GALNT2: variants seen among roughly 807,000 people sequenced by gnomAD.
GALNT2 encodes the protein UDP-GalNAc:polypeptide N-acetylgalactosaminyltransferase 2.
GALNT2 carries 31 observed loss-of-function variants against 81.4 expected under a neutral mutation model. The observed-to-expected ratio is 0.38, with a 90% confidence interval of 0.29 to 0.51. The LOEUF is 0.51. Among genes scored for constraint, GALNT2 ranks in the 20% least tolerant of loss-of-function variants. The pLI, the probability that GALNT2 is intolerant of heterozygous loss-of-function variation, is 0.87. For missense variants in GALNT2, 629 were observed against 765.7 expected, an observed-to-expected ratio of 0.82 and a Z score of 2.11; for synonymous variants, 303 against 287.4, an observed-to-expected ratio of 1.05 and a Z score of -0.55.
intron 1 of GALNT2, among the ~76,000 whole-genome samples, chr1:230,074,184 C>T (rs998768626): frequency 2.6e-5 from 4 of 151,950 alleles, no homozygotes; most frequent in Admixed American, 1.3e-4. Flanking sequence ...CCTCAAACTC[C>T]TGGGCTCAGG....
intron 1 of GALNT2, among the ~76,000 whole-genome samples, chr1:230,130,101 T>C (rs1474573500): frequency 6.6e-6 from 1 of 152,254 alleles, no homozygotes; most frequent in Non-Finnish European, 1.5e-5. Flanking sequence ...TTGAGTGAGC[T>C]GATGCCCATC....
intron 2 of GALNT2, among the ~76,000 whole-genome samples, chr1:230,194,525 T>A (rs573119031): frequency 6.6e-6 from 1 of 152,334 alleles, no homozygotes; most frequent in South Asian, 2.1e-4. Flanking sequence ...ACATTGTTTT[T>A]CATGGCTACA....
intron 1 of GALNT2, among the ~76,000 whole-genome samples, chr1:230,143,502 T>G (rs1572014254): frequency 6.6e-6 from 1 of 151,956 alleles, no homozygotes; most frequent in Non-Finnish European, 1.5e-5. Context: ...AACTGCGGGG[T>G]GGTCCTGCTG....
At chr1:230,152,048 C>T (rs546412368) in intron 1 of GALNT2, among the ~76,000 whole-genome samples, 29 of 152,256 alleles carry the variant, frequency 1.9e-4, no homozygotes, top group African/African-American at 6.7e-4. Context: ...GGGTTTTGGC[C>T]GGCTCCTTTA....
At chr1:230,268,824 C>T (rs1666099054) in intron 14 of GALNT2, among the ~76,000 whole-genome samples, 1 of 152,216 alleles carries the variant, frequency 6.6e-6, no homozygotes, top group East Asian at 1.9e-4. Context: ...CCGGTCCTGC[C>T]CAGTAGAGAG....
intron 1 of GALNT2, among the ~76,000 whole-genome samples, chr1:230,112,800 T>TGGGGGGGGGGGGGGG (rs200649766): frequency 1.1e-4 from 8 of 75,392 alleles, no homozygotes; most frequent in Non-Finnish European, 1.3e-4. Flanking sequence ...GGCAGGGGGG[T>TGGGGGGGGGGGGGGG]GGGGGGGACC....
Position 230,249,278 on chromosome 1 carries a change from G to A in GALNT2, c.905+7G>A, listed in dbSNP as rs1197879706. 6.2e-7 allele frequency: 1 copy of A among 1,613,564 alleles called. No homozygotes were observed. Among genetic ancestry groups the A allele is most frequent in the Admixed American group, 1.7e-5 (1 of 60,008 alleles). On this transcript the variant is annotated splice_region_variant and intron_variant, in intron 9 of 15. Transcript: ENST00000366672. Reference sequence around the variant, plus strand: ...ACCCAGTCGCCCCTATAAAGTAAGTGCCAGCATCCTTCAGGGTGCCCCTCC... The same window carrying A: ...ACCCAGTCGCCCCTATAAAGTAAGTACCAGCATCCTTCAGGGTGCCCCTCC...
intron 3 of GALNT2, among the ~76,000 whole-genome samples, chr1:230,221,395 G>A (rs533518208): frequency 6.6e-6 from 1 of 152,300 alleles, no homozygotes; most frequent in Non-Finnish European, 1.5e-5. Context: ...TGAGATGACA[G>A]TGTGTTATTT....
At chr1:230,136,998 A>G (rs1386759262) in intron 1 of GALNT2, among the ~76,000 whole-genome samples, 7 of 152,182 alleles carry the variant, frequency 4.6e-5, no homozygotes, top group African/African-American at 1.4e-4. Context: ...GCATTTTTCC[A>G]TAGTCAGTGG....
chr1:230,266,087 G>A (rs113246717), intron 14 of GALNT2, among the ~76,000 whole-genome samples: 8 of 152,218 alleles, frequency 5.3e-5, no homozygotes, highest in South Asian at 2.1e-4. Context: ...CCAGCTACCC[G>A]AGAGGCTGAG....
intron 3 of GALNT2, among the ~76,000 whole-genome samples, chr1:230,228,014 G>A (rs987203946): frequency 4.6e-5 from 7 of 152,134 alleles, no homozygotes; most frequent in African/African-American, 1.7e-4. Context: ...ACAGTGAGGT[G>A]TTGAATACAG....
chr1:230,246,453 C>A (rs1180505041), intron 8 of GALNT2, among the ~76,000 whole-genome samples: 2 of 152,302 alleles, frequency 1.3e-5, no homozygotes, highest in South Asian at 4.1e-4. Context: ...GATGATGAAG[C>A]CCTCCTTGCA....
At chr1:230,211,485 G>T (rs1664233442) in intron 3 of GALNT2, among the ~76,000 whole-genome samples, 2 of 152,200 alleles carry the variant, frequency 1.3e-5, no homozygotes, top group Admixed American at 1.3e-4. Flanking sequence ...CCCATGCTCA[G>T]CCTTTTGTGT....
rs144590424 is a variant in GALNT2 at position 230,108,135 on chromosome 1, A to G, written c.126+40729A>G. Reference sequence around the variant, plus strand: ...GCAGGCTCTGCTGCCAGGAGCTTGCACCCTGAGCCACGTGGAACTGGTTTG... The same window carrying G: ...GCAGGCTCTGCTGCCAGGAGCTTGCGCCCTGAGCCACGTGGAACTGGTTTG... On this transcript the variant is annotated intron_variant, in intron 1 of 15. Coordinates refer to ENST00000366672, the MANE Select transcript of GALNT2 (RefSeq NM_004481.5). Among the ~76,000 whole-genome samples, 1,102 of 152,326 alleles carry G rather than the reference A, an allele frequency of 7.2e-3. 6 individuals are homozygous for G. Among genetic ancestry groups the G allele is most frequent in the Non-Finnish European group, 0.012 (788 of 68,034 alleles).
rs1665268867 is a variant in GALNT2 at position 230,243,548 on chromosome 1, G to A, written c.729+121G>A. ...TAGGGCGTCAGGGCTGGTAGGGGCT[G>A]AGCTCGCCGTCTGCAGTTTTCCTTG... On this transcript the variant is annotated intron_variant, in intron 7 of 15. Transcript: ENST00000366672. The surrounding 1 kb of genome is among the most constrained non-coding windows in gnomAD (Gnocchi z 4.2). 5 of 1,276,020 alleles carry A rather than the reference G, an allele frequency of 3.9e-6. No individual in the cohort carries two copies. Among genetic ancestry groups the A allele is most frequent in the Non-Finnish European group, 5.2e-6 (5 of 958,122 alleles). 79.0% of individuals were successfully genotyped at this position (1,276,020 alleles called of 1,614,324 possible).
intron 1 of GALNT2, among the ~76,000 whole-genome samples, chr1:230,136,975 G>C (rs1661569580): frequency 1.3e-5 from 2 of 152,232 alleles, no homozygotes; most frequent in Admixed American, 1.3e-4. Context: ...GCCCTGCGTG[G>C]TTGGGGGCGA....
chr1:230,216,293 CT>C (rs977505655), intron 3 of GALNT2, among the ~76,000 whole-genome samples: 3 of 152,086 alleles, frequency 2.0e-5, no homozygotes, highest in Non-Finnish European at 2.9e-5. Context: ...TTTATTTTAA[CT>C]TTTTTTGTCA....
intron 1 of GALNT2, among the ~76,000 whole-genome samples, chr1:230,087,742 A>G (rs1236855614): frequency 1.3e-5 from 2 of 152,166 alleles, no homozygotes; most frequent in Non-Finnish European, 2.9e-5. Context: ...GAGCCCTTGA[A>G]TATCTGTTTG....
At chr1:230,265,659 G>A (rs1439192890) in intron 14 of GALNT2, among the ~76,000 whole-genome samples, 1 of 152,216 alleles carries the variant, frequency 6.6e-6, no homozygotes. Flanking sequence ...CTTCCTGCCA[G>A]CTCTGTCCTC....
Sources: gnomAD v4.1 joint callset for allele counts (sites outside exome capture counted in the v4.1 genomes callset) on GRCh38, gnomAD v4.1.1 for gene constraint, Gnocchi (gnomAD v3.1) non-coding constraint, MANE v1.5 for transcripts, NCBI Gene and HGNC (gene_info 2026-07-23, HGNC 2026-07-21) for gene names.